Variants in CIB1 observed in about 807,000 individuals in gnomAD.
CIB1 encodes calcium and integrin binding 1.
CIB1 carries 19 observed loss-of-function variants against 25.0 expected under a neutral mutation model. That is an observed-to-expected ratio of 0.76 (90% CI 0.53 to 1.12). The LOEUF (loss-of-function observed/expected upper bound fraction) is 1.12, where lower values mean the gene tolerates loss of function less well. CIB1 is among the 50% of genes most tolerant of loss of function. The pLI, the probability that CIB1 is intolerant of heterozygous loss-of-function variation, is 0.00. For missense variants in CIB1, 236 were observed against 242.6 expected (o/e 0.97, Z 0.18); for synonymous variants, 104 against 98.5 (o/e 1.06, Z -0.33).
chr15:90,252,507 C>T, the CIB1 span, among the ~76,000 whole-genome samples: 2 of 152,160 alleles, frequency 1.3e-5, no homozygotes, highest in Admixed American at 6.5e-5. Context: ...AGAGATGAGA[C>T]AAGCTTAAAA....
At chr15:90,265,297 T>G in the CIB1 span, 1 of 1,211,990 alleles carries the variant, frequency 8.3e-7, no homozygotes, top group Non-Finnish European at 1.0e-6. Context: ...CAGGAGACAA[T>G]GAGCCCCTTT....
chr15:90,241,469 G>C, the CIB1 span: 1 of 1,613,746 alleles, frequency 6.2e-7, no homozygotes, highest in Non-Finnish European at 8.5e-7. Flanking sequence ...GTGCACTGAG[G>C]GCAGGGATTG....
upstream of CIB1, among the ~76,000 whole-genome samples, chr15:90,236,380 C>T (rs1399520798): frequency 6.6e-6 from 1 of 152,176 alleles, no homozygotes; most frequent in Non-Finnish European, 1.5e-5. Context: ...CAGCTTTGTG[C>T]CTGGTGACCA....
At chr15:90,237,037 C>G (rs544486494), upstream of CIB1, among the ~76,000 whole-genome samples, 7 of 152,238 alleles carry the variant, frequency 4.6e-5, no homozygotes, top group African/African-American at 1.2e-4. Flanking sequence ...TAGCTCACTG[C>G]AACCTCTGCC....
the CIB1 span, chr15:90,262,793 T>C: frequency 1.6e-6 from 2 of 1,222,704 alleles, no homozygotes; most frequent in Non-Finnish European, 2.2e-6. Flanking sequence ...TCCTAATCAG[T>C]AAATTGAATC....
At chr15:90,233,612 C>G in intron 2 of CIB1, 57 bp downstream of exon 2, 1 of 1,548,614 alleles carries the variant, frequency 6.5e-7, no homozygotes, top group Middle Eastern at 2.0e-4. Context: ...GACAGCGCCC[C>G]CGAAGCTGTC....
chr15:90,241,088 T>G, the CIB1 span: 1 of 1,614,196 alleles, frequency 6.2e-7, no homozygotes. Flanking sequence ...CTCCCTTTGA[T>G]GCTGCACTCT....
In CIB1 at chr15:90,233,816, G is replaced by A; in HGVS notation, c.51+19C>T. 6.5e-7 allele frequency: 1 copy of A among 1,546,748 alleles called. No homozygotes were observed. Among genetic ancestry groups the A allele is most frequent in the South Asian group, 1.2e-5 (1 of 83,976 alleles). On this transcript the variant is annotated intron_variant, in intron 1 of 6. Coordinates refer to ENST00000328649, the MANE Select transcript of CIB1 (RefSeq NM_006384.4). The stretch of plus-strand genomic sequence containing the variant: ...AGAGGCCCGCACGCGAGCTCCCCAG[G>A]GCCAGGCGTCCCGCGCACCTGGTAC...
chr15:90,242,089 C>G, the CIB1 span: 9 of 1,557,400 alleles, frequency 5.8e-6, no homozygotes, highest in East Asian at 1.6e-4. Context: ...TATTTATGTT[C>G]TTTTTTTCTT....
chr15:90,240,541 G>A, the CIB1 span, among the ~76,000 whole-genome samples: 2 of 149,518 alleles, frequency 1.3e-5, no homozygotes, highest in Non-Finnish European at 3.0e-5. Flanking sequence ...AGCTGTGCAT[G>A]TTGGTTCATG....
At chr15:90,241,415 G>A in the CIB1 span, 4 of 1,613,650 alleles carry the variant, frequency 2.5e-6, no homozygotes, top group Non-Finnish European at 3.4e-6. Context: ...ACGTGCTGCT[G>A]GTGCCTGAGC....
the CIB1 span, chr15:90,241,376 G>C: frequency 1.9e-6 from 3 of 1,613,974 alleles, no homozygotes; most frequent in African/African-American, 4.0e-5. Context: ...TCCTGGTGGT[G>C]ATCAACGTCA....
At chr15:90,250,611 A>G in the CIB1 span, 1 of 1,607,690 alleles carries the variant, frequency 6.2e-7, no homozygotes, top group Non-Finnish European at 8.5e-7. Context: ...CCACCCCGCA[A>G]CCCCTCAGAA....
chr15:90,247,477 C>G, the CIB1 span, among the ~76,000 whole-genome samples: 1 of 150,988 alleles, frequency 6.6e-6, no homozygotes, highest in Non-Finnish European at 1.5e-5. Flanking sequence ...GAGGAAAGAT[C>G]AAGAAGTCTG....
chr15:90,232,176 A>G (rs1962507954), intron 3 of CIB1, 43 bp downstream of exon 3: 2 of 1,479,310 alleles, frequency 1.4e-6, no homozygotes, highest in African/African-American at 1.4e-5. Context: ...TCTAGCAGGG[A>G]GGGAGTGGTG....
chr15:90,258,004 A>G, the CIB1 span: 13 of 1,601,552 alleles, frequency 8.1e-6, no homozygotes, highest in South Asian at 1.1e-5. Context: ...AGTGGCCTAG[A>G]AACTGGCCTT....
chr15:90,252,543 G>A, the CIB1 span, among the ~76,000 whole-genome samples: 1 of 152,118 alleles, frequency 6.6e-6, no homozygotes, highest in Non-Finnish European at 1.5e-5. Context: ...AGATTTGAAG[G>A]GACTTCAACG....
chr15:90,230,636 G>A, intron 6 of CIB1, 131 bp from the exon 7 acceptor site: 1 of 969,138 alleles, frequency 1.0e-6, no homozygotes, highest in Non-Finnish European at 1.6e-6. Flanking sequence ...CCCTCTGCAA[G>A]AACTCCCCGA....
chr15:90,265,417 G>C, the CIB1 span: 1 of 1,280,276 alleles, frequency 7.8e-7, no homozygotes, highest in South Asian at 1.8e-5. Flanking sequence ...GCAGCCGCTG[G>C]GGCGGAGGGA....
Sources: allele counts gnomAD v4.1 joint callset (sites outside exome capture counted in the v4.1 genomes callset), GRCh38; gene constraint gnomAD v4.1.1; transcripts MANE v1.5; gene names NCBI Gene and HGNC (gene_info 2026-07-23, HGNC 2026-07-21).